GALNTL6: variants seen among roughly 807,000 people sequenced by gnomAD.
The protein encoded by GALNTL6 is polypeptide N-acetylgalactosaminyltransferase-like 6.
In GALNTL6, 46 loss-of-function variants were observed where a neutral mutation model predicts 73.7. The ratio of observed to expected loss-of-function variants is 0.62; its 90% CI spans 0.49 to 0.80. GALNTL6 has a LOEUF of 0.80. GALNTL6 is among the 30% of genes least tolerant of loss of function. GALNTL6 has a pLI of 0.00. For missense variants in GALNTL6, 604 were observed against 755.0 expected, an observed-to-expected ratio of 0.80 and a Z score of 2.34; for synonymous variants, 259 against 263.7, an observed-to-expected ratio of 0.98 and a Z score of 0.17.
At chr4:172,160,517 A>G (rs1200401047) in intron 2 of GALNTL6, among the ~76,000 whole-genome samples, 1 of 152,046 alleles carries the variant, frequency 6.6e-6, no homozygotes, top group Non-Finnish European at 1.5e-5. Context: ...TATAATAGTT[A>G]TTGAAGGAAA....
chr4:172,758,522 T>TGA (rs1427704907), intron 5 of GALNTL6, among the ~76,000 whole-genome samples: 2 of 152,164 alleles, frequency 1.3e-5, no homozygotes, highest in Non-Finnish European at 1.5e-5. Context: ...GGTGACAGAG[T>TGA]GAGACTGTGT....
chr4:172,345,403 T>A (rs983623938), intron 4 of GALNTL6, among the ~76,000 whole-genome samples: 1 of 152,184 alleles, frequency 6.6e-6, no homozygotes, highest in Non-Finnish European at 1.5e-5. Flanking sequence ...AATGTCTTGA[T>A]AGTTGTGTTT....
chr4:172,452,278 G>A (rs1732241643), intron 5 of GALNTL6, among the ~76,000 whole-genome samples: 1 of 151,274 alleles, frequency 6.6e-6, no homozygotes, highest in Admixed American at 6.6e-5. Flanking sequence ...ACAAAAAAAA[G>A]ACACACACAC....
At chr4:173,022,801 TAATAA>T (rs988636983) in intron 12 of GALNTL6, among the ~76,000 whole-genome samples, 59 of 152,242 alleles carry the variant, frequency 3.9e-4, no homozygotes, top group African/African-American at 1.3e-3. Context: ...TTTATTGAGT[TAATAA>T]AATAAAGAGC....
chr4:172,794,100 G>GA (rs1740140696), intron 5 of GALNTL6, among the ~76,000 whole-genome samples: 1 of 151,980 alleles, frequency 6.6e-6, no homozygotes, highest in South Asian at 2.1e-4. Flanking sequence ...TATTGTCTTG[G>GA]AAAAAAACAG....
intron 10 of GALNTL6, among the ~76,000 whole-genome samples, chr4:172,997,370 A>C (rs935239780): frequency 1.3e-5 from 2 of 152,160 alleles, no homozygotes; most frequent in African/African-American, 4.8e-5. Flanking sequence ...ACTTTCTCGG[A>C]GCCTCAGTTG....
At chr4:172,009,981 A>G (rs1347274420) in intron 2 of GALNTL6, among the ~76,000 whole-genome samples, 1 of 152,172 alleles carries the variant, frequency 6.6e-6, no homozygotes, top group Non-Finnish European at 1.5e-5. Context: ...TGAAAGCCAT[A>G]TAGAACAATC....
At chr4:171,837,105 T>C (rs1311326695) in intron 2 of GALNTL6, among the ~76,000 whole-genome samples, 1 of 152,068 alleles carries the variant, frequency 6.6e-6, no homozygotes, top group East Asian at 1.9e-4. Context: ...ATAGGGCAAA[T>C]TGAAATTGTG....
chr4:172,627,561 G>A (rs528126857), intron 5 of GALNTL6, among the ~76,000 whole-genome samples: 1 of 151,468 alleles, frequency 6.6e-6, no homozygotes, highest in South Asian at 2.1e-4. Context: ...AATAGTTTCA[G>A]TGGAATTCGT....
chr4:172,524,243 T>C (rs1167108579), intron 5 of GALNTL6, among the ~76,000 whole-genome samples: 1 of 151,808 alleles, frequency 6.6e-6, no homozygotes, highest in East Asian at 1.9e-4. Flanking sequence ...TTTTGCTCAT[T>C]TATTTATTTA....
intron 2 of GALNTL6, among the ~76,000 whole-genome samples, chr4:171,984,760 G>A (rs1203630758): frequency 6.6e-6 from 1 of 152,096 alleles, no homozygotes; most frequent in Non-Finnish European, 1.5e-5. Context: ...ATTAATGGGG[G>A]TATTTGAGTA....
In GALNTL6 at chr4:172,068,981, C is replaced by T. The variant is rs998957040; in HGVS notation, c.139-160675C>T. ...AGCACAAATCAGGGACAAGGAATCC[C>T]TCGTCTCCTCCTGCAGAAATGTCAG... On this transcript the variant is annotated intron_variant, in intron 2 of 12. Coordinates refer to ENST00000506823, the MANE Select transcript of GALNTL6 (RefSeq NM_001034845.3). Among the ~76,000 whole-genome samples the T allele has an allele frequency of 6.2e-4, 67 of 108,858 alleles. 22 individuals carry two copies. The highest frequency in any genetic ancestry group is 2.2e-3 in the African/African-American group (63 of 28,808). 71.4% of individuals were successfully genotyped at this position (108,858 alleles called of 152,430 possible).
At chr4:172,630,144 C>G (rs1739332908) in intron 5 of GALNTL6, among the ~76,000 whole-genome samples, 1 of 152,052 alleles carries the variant, frequency 6.6e-6, no homozygotes, top group Admixed American at 6.6e-5. Context: ...CTCACTTTTT[C>G]TCAAGCCACT....
intron 5 of GALNTL6, among the ~76,000 whole-genome samples, chr4:172,518,199 G>A (rs1187079115): frequency 6.6e-6 from 1 of 151,764 alleles, no homozygotes; most frequent in Admixed American, 6.6e-5. Context: ...ATGATAAATA[G>A]GAATTCTTGA....
At chr4:172,339,822 G>A (rs919315240) in intron 4 of GALNTL6, among the ~76,000 whole-genome samples, 2 of 152,120 alleles carry the variant, frequency 1.3e-5, no homozygotes, top group African/African-American at 2.4e-5. Context: ...ATGCTGACAC[G>A]GGGGCTGTTT....
intron 5 of GALNTL6, among the ~76,000 whole-genome samples, chr4:172,613,824 T>A (rs1738619516): frequency 6.6e-6 from 1 of 152,106 alleles, no homozygotes. Flanking sequence ...CTTTTCTCTC[T>A]TACTGAAAAA....
intron 5 of GALNTL6, among the ~76,000 whole-genome samples, chr4:172,386,876 A>G (rs762857549): frequency 6.6e-6 from 1 of 152,298 alleles, no homozygotes; most frequent in East Asian, 1.9e-4. Context: ...CTCAAAGGCC[A>G]ATCTACTCCA....
chr4:172,358,515 T>TTTTTG (rs954828193), intron 5 of GALNTL6, among the ~76,000 whole-genome samples: 1 of 152,166 alleles, frequency 6.6e-6, no homozygotes, highest in Non-Finnish European at 1.5e-5. Flanking sequence ...TTTTTTGCAA[T>TTTTTG]TTTTGTTTTG....
chr4:172,846,466 A>T (rs1185433680), intron 7 of GALNTL6, among the ~76,000 whole-genome samples: 1 of 152,180 alleles, frequency 6.6e-6, no homozygotes, highest in Non-Finnish European at 1.5e-5. Flanking sequence ...CCTTTTGAAT[A>T]CTTTCCAAGA....
Sources: allele counts gnomAD v4.1 joint callset (sites outside exome capture counted in the v4.1 genomes callset), GRCh38; gene constraint gnomAD v4.1.1; transcripts MANE v1.5; gene names NCBI Gene and HGNC (gene_info 2026-07-23, HGNC 2026-07-21).